ADGRL3: variants seen among roughly 807,000 people sequenced by gnomAD.
ADGRL3 encodes calcium-independent alpha-latrotoxin receptor 3.
In ADGRL3, 62 loss-of-function variants were observed where a neutral mutation model predicts 153.5. That is an observed-to-expected ratio of 0.40 (90% CI 0.33 to 0.50). ADGRL3 has a LOEUF of 0.50. ADGRL3 is among the 20% of genes least tolerant of loss of function. The pLI, the probability that ADGRL3 is intolerant of heterozygous loss-of-function variation, is 0.47. For synonymous variants in ADGRL3, 710 were observed against 672.5 expected (o/e 1.06, Z -0.86); for missense variants, 1,641 against 1,859.4 (o/e 0.88, Z 2.16).
chr4:61,315,770 G>A (rs2150631190), intron 1 of ADGRL3, among the ~76,000 whole-genome samples: 1 of 152,272 alleles, frequency 6.6e-6, no homozygotes, highest in African/African-American at 2.4e-5. Context: ...CAGACCTGCT[G>A]TTTTGGTCTT....
chr4:61,665,441 A>C (rs1173848625), intron 5 of ADGRL3, among the ~76,000 whole-genome samples: 1 of 152,034 alleles, frequency 6.6e-6, no homozygotes, highest in East Asian at 1.9e-4. Context: ...ACAAACAAAA[A>C]AAAACATGGT....
intron 8 of ADGRL3, among the ~76,000 whole-genome samples, chr4:61,771,369 A>G (rs1447224593): frequency 6.6e-6 from 1 of 152,140 alleles, no homozygotes; most frequent in Non-Finnish European, 1.5e-5. Context: ...ATAATTCCAT[A>G]TTAGGAGAGA....
chr4:61,319,190 G>C (rs2095302461), intron 1 of ADGRL3, among the ~76,000 whole-genome samples: 2 of 152,228 alleles, frequency 1.3e-5, no homozygotes, highest in Middle Eastern at 3.4e-3. Context: ...AAATTTGTTA[G>C]AGATGTAGCA....
chr4:61,599,207 G>C (rs927736894), intron 5 of ADGRL3, among the ~76,000 whole-genome samples: 2 of 152,192 alleles, frequency 1.3e-5, no homozygotes, highest in Non-Finnish European at 2.9e-5. Context: ...CTGAGTGACT[G>C]GGGAAACCCA....
chr4:61,453,464 G>T (rs1902536), intron 2 of ADGRL3, among the ~76,000 whole-genome samples: 150,828 of 152,246 alleles, frequency 0.99, 74,721 homozygotes, highest in East Asian at 1. Flanking sequence ...ATTGTGTTCC[G>T]GGCACACCTC....
chr4:61,513,651 G>A (rs982620350), intron 3 of ADGRL3, among the ~76,000 whole-genome samples: 6 of 152,022 alleles, frequency 3.9e-5, no homozygotes, highest in Non-Finnish European at 7.4e-5. Context: ...AGGATGATTT[G>A]TATATGGCAA....
intron 1 of ADGRL3, among the ~76,000 whole-genome samples, chr4:61,321,789 T>C (rs565744307): frequency 6.6e-6 from 1 of 152,290 alleles, no homozygotes; most frequent in Admixed American, 6.5e-5. Context: ...TGGTCTGTTG[T>C]TGAGTGAAAT....
intron 1 of ADGRL3, among the ~76,000 whole-genome samples, chr4:61,374,371 A>T (rs999729627): frequency 1.3e-5 from 2 of 152,014 alleles, no homozygotes; most frequent in Non-Finnish European, 2.9e-5. Flanking sequence ...GTAGGTCTTG[A>T]TTGAGGGCCT....
At chr4:61,850,329 A>G (rs560424059) in intron 9 of ADGRL3, among the ~76,000 whole-genome samples, 2 of 152,250 alleles carry the variant, frequency 1.3e-5, no homozygotes, top group South Asian at 2.1e-4. Context: ...AGTTTTGCCA[A>G]TGGCTTTTGC....
intron 9 of ADGRL3, among the ~76,000 whole-genome samples, chr4:61,851,589 CAAAAAAA>C (rs759990537): frequency 3.6e-4 from 20 of 55,226 alleles, no homozygotes; most frequent in South Asian, 8.8e-4. Context: ...GACCATGTCT[CAAAAAAA>C]AAAAAAAAAA....
intron 5 of ADGRL3, among the ~76,000 whole-genome samples, chr4:61,600,419 G>A (rs1489870480): frequency 6.6e-6 from 1 of 151,824 alleles, no homozygotes; most frequent in South Asian, 2.1e-4. Context: ...TTAGGTTTAG[G>A]AAGTTAGGTG....
chr4:61,502,384 C>G (rs1046425567), intron 3 of ADGRL3, among the ~76,000 whole-genome samples: 1 of 151,856 alleles, frequency 6.6e-6, no homozygotes, highest in African/African-American at 2.4e-5. Flanking sequence ...ATCACTGGCA[C>G]TTAAACTAGG....
chr4:61,564,755 C>T (rs554503883), intron 4 of ADGRL3, among the ~76,000 whole-genome samples: 1 of 152,310 alleles, frequency 6.6e-6, no homozygotes, highest in African/African-American at 2.4e-5. Context: ...AGATGTGCCA[C>T]TCTTCCTTTC....
chr4:61,449,442 T>C, intron 2 of ADGRL3, among the ~76,000 whole-genome samples: 1 of 151,914 alleles, frequency 6.6e-6, no homozygotes, highest in East Asian at 1.9e-4. Flanking sequence ...GCCTATTTTT[T>C]CCATTTTTTT....
chr4:61,766,385 A>G (rs967038939), intron 8 of ADGRL3, among the ~76,000 whole-genome samples: 2 of 152,194 alleles, frequency 1.3e-5, no homozygotes, highest in African/African-American at 4.8e-5. Context: ...CAGCAGCTGC[A>G]TGCAGACATG....
intron 8 of ADGRL3, among the ~76,000 whole-genome samples, chr4:61,764,134 T>C (rs2096944917): frequency 6.6e-6 from 1 of 152,174 alleles, no homozygotes; most frequent in Admixed American, 6.5e-5. Context: ...AATAAACCAT[T>C]ACATAATTTT....
In ADGRL3 at chr4:61,661,762, T is replaced by G. The variant is rs374581316; in HGVS notation, c.474-15064T>G. Among the ~76,000 whole-genome samples the G allele has an allele frequency of 6.6e-5, 10 of 152,312 alleles. No homozygotes were observed. The East Asian group carries it at 1.5e-3, about 24-fold the overall frequency. On this transcript the variant is annotated intron_variant, in intron 5 of 26. Transcript: ENST00000683033. The stretch of plus-strand genomic sequence containing the variant: ...TTTCATACTTTATATTTCATATTTT[T>G]AACTTCATAATTATAAAGCAAACTA...
At chr4:61,998,327 T>A in intron 21 of ADGRL3, 62 bp downstream of exon 21, 1 of 775,624 alleles carries the variant, frequency 1.3e-6, no homozygotes, top group Non-Finnish European at 2.0e-6. Flanking sequence ...AAACTATCCT[T>A]TCTATTATAT....
At chr4:61,568,203 GC>G (rs2098824167) in intron 4 of ADGRL3, among the ~76,000 whole-genome samples, 1 of 151,290 alleles carries the variant, frequency 6.6e-6, no homozygotes, top group Non-Finnish European at 1.5e-5. Context: ...ATCTCTTTTT[GC>G]ATGGCCCCAC....
Sources: allele counts gnomAD v4.1 joint callset (sites outside exome capture counted in the v4.1 genomes callset), GRCh38; gene constraint gnomAD v4.1.1; transcripts MANE v1.5; gene names NCBI Gene and HGNC (gene_info 2026-07-23, HGNC 2026-07-21).